Variants in CCDC3 observed in about 807,000 individuals in gnomAD.
CCDC3 encodes coiled-coil domain containing 3.
Under a neutral mutation model 21.4 loss-of-function variants are expected in CCDC3, and 24 were observed. That is an observed-to-expected ratio of 1.12 (90% CI 0.81 to 1.58). CCDC3 has a LOEUF of 1.58. Ranked by LOEUF, CCDC3 falls within the 40% of genes most tolerant of loss-of-function variation. CCDC3 has a pLI of 0.00. For missense variants in CCDC3, 425 were observed against 360.9 expected, an observed-to-expected ratio of 1.18 and a Z score of -1.44; for synonymous variants, 186 against 166.0, an observed-to-expected ratio of 1.12 and a Z score of -0.93.
At chr10:12,977,277 A>G (rs1427560104) in intron 2 of CCDC3, among the ~76,000 whole-genome samples, 4 of 147,796 alleles carry the variant, frequency 2.7e-5, no homozygotes, top group African/African-American at 7.9e-5. Context: ...CTTGTCTCAA[A>G]AAAAAGGAAA....
chr10:12,978,071 T>G lies in CCDC3; in HGVS notation c.549+20267A>C, dbSNP rs895431090. On this transcript the variant is annotated intron_variant, in intron 2 of 2. Transcript: ENST00000378825. ...TTTCACTCTGTCATCCAGGCTGGAG[T>G]GCAGTGACACAATCTTGGCTCACTG... Among the ~76,000 whole-genome samples, 14 of 151,644 alleles carry G rather than the reference T, an allele frequency of 9.2e-5. No individual in the cohort carries two copies. In the South Asian group the frequency reaches 2.1e-3, roughly 23 times the overall value.
At chr10:12,996,163 G>A (rs940759285) in intron 2 of CCDC3, among the ~76,000 whole-genome samples, 1 of 152,160 alleles carries the variant, frequency 6.6e-6, no homozygotes, top group Non-Finnish European at 1.5e-5. Flanking sequence ...ACTCAATATG[G>A]AGTAGGCAAC....
At chr10:13,080,536 A>G (rs149270298) in intron 3 of CCDC3, among the ~76,000 whole-genome samples, 111 of 152,338 alleles carry the variant, frequency 7.3e-4, no homozygotes, top group Middle Eastern at 3.4e-3. Context: ...TAAGAATATC[A>G]ATTTTTACCT....
intron 5 of CCDC3, among the ~76,000 whole-genome samples, chr10:13,031,415 C>T (rs941367051): frequency 6.6e-6 from 1 of 152,044 alleles, no homozygotes; most frequent in Non-Finnish European, 1.5e-5. Flanking sequence ...AATTGACACC[C>T]TAACATCACA....
rs143613140 is a variant in CCDC3, at chr10:12,930,282, G to A, written c.550-31603C>T. ...TTTCTTTTCTATTTGGTTTTGCATTGTGCCCTCAAAAACGTGTCACAAAAG... is the reference window on the plus strand; with the variant it reads ...TTTCTTTTCTATTTGGTTTTGCATTATGCCCTCAAAAACGTGTCACAAAAG... On this transcript the variant is annotated intron_variant, in intron 2 of 2. Transcript: ENST00000378825. Among the ~76,000 whole-genome samples, 597 of 152,216 alleles carry A rather than the reference G, an allele frequency of 3.9e-3. 8 individuals are homozygous for A. The highest frequency in any genetic ancestry group is 0.024 in the South Asian group (118 of 4,822).
chr10:12,941,308 T>C (rs994108006), intron 2 of CCDC3, among the ~76,000 whole-genome samples: 6 of 152,176 alleles, frequency 3.9e-5, no homozygotes, highest in Non-Finnish European at 5.9e-5. Context: ...GTTTAGCATA[T>C]TACAAAGAAG....
At chr10:12,921,530 A>G (rs1004913422) in intron 2 of CCDC3, among the ~76,000 whole-genome samples, 1 of 152,214 alleles carries the variant, frequency 6.6e-6, no homozygotes, top group African/African-American at 2.4e-5. Flanking sequence ...ATCTTTTTCA[A>G]CTTTTTCAAA....
intron 5 of CCDC3, among the ~76,000 whole-genome samples, chr10:13,006,883 C>T (rs497611): frequency 0.8 from 122,063 of 152,118 alleles, 49,989 homozygotes; most frequent in Non-Finnish European, 0.88. Context: ...TTTGCTGTTA[C>T]ATAGATCAGG....
intron 2 of CCDC3, among the ~76,000 whole-genome samples, chr10:12,940,076 A>G (rs980444130): frequency 2.6e-5 from 4 of 152,190 alleles, no homozygotes; most frequent in African/African-American, 9.7e-5. Context: ...GTCTAAAAAC[A>G]TACTGTTTTT....
intron 3 of CCDC3, among the ~76,000 whole-genome samples, chr10:13,081,223 CCCA>C (rs1437904545): frequency 3.3e-5 from 5 of 151,912 alleles, no homozygotes; most frequent in Admixed American, 2.0e-4. Context: ...TGCTGATGTC[CCCA>C]CATTTAAAAC....
At chr10:13,005,855 T>C (rs538999717), upstream of CCDC3, among the ~76,000 whole-genome samples, 8 of 152,352 alleles carry the variant, frequency 5.3e-5, no homozygotes, top group East Asian at 1.5e-3. Context: ...AAAAAGCATT[T>C]TTAAATGTGG....
intron 5 of CCDC3, among the ~76,000 whole-genome samples, chr10:13,030,072 T>C (rs775110697): frequency 4.5e-4 from 68 of 151,844 alleles, no homozygotes; most frequent in Non-Finnish European, 3.1e-4. Flanking sequence ...AAGGAAAAAA[T>C]ATTAAGGGCA....
chr10:12,907,730 C>G (rs758531497), intron 2 of CCDC3, among the ~76,000 whole-genome samples: 2 of 152,164 alleles, frequency 1.3e-5, no homozygotes, highest in African/African-American at 4.8e-5. Context: ...AACTTGGTGC[C>G]TTTTCCTTAC....
intron 5 of CCDC3, among the ~76,000 whole-genome samples, chr10:13,037,050 G>A (rs1294964164): frequency 6.6e-6 from 1 of 152,078 alleles, no homozygotes; most frequent in Non-Finnish European, 1.5e-5. Context: ...CTCCCAAAGT[G>A]CCAGGATTAT....
At chr10:13,052,101 A>C (rs527400876) in intron 4 of CCDC3, among the ~76,000 whole-genome samples, 3 of 152,110 alleles carry the variant, frequency 2.0e-5, no homozygotes, top group African/African-American at 7.2e-5. Context: ...TTGGCTGGGC[A>C]TGGCGGCACA....
intron 5 of CCDC3, among the ~76,000 whole-genome samples, chr10:13,029,668 C>T (rs1032257563): frequency 6.6e-5 from 10 of 152,188 alleles, no homozygotes; most frequent in African/African-American, 2.4e-4. Flanking sequence ...AGCTGAAAAT[C>T]ATGGTACGAG....
chr10:12,911,992 C>A (rs915849097), intron 2 of CCDC3, among the ~76,000 whole-genome samples: 1 of 152,150 alleles, frequency 6.6e-6, no homozygotes, highest in Non-Finnish European at 1.5e-5. Flanking sequence ...TTTAAGGGTG[C>A]ATAGTATTCC....
chr10:13,031,495 C>T (rs1447974270), intron 5 of CCDC3, among the ~76,000 whole-genome samples: 4 of 152,016 alleles, frequency 2.6e-5, no homozygotes, highest in African/African-American at 9.7e-5. Context: ...TAACTAAGAT[C>T]AGAGCAGAAC....
At position 13,047,084 on chromosome 10, in the gene CCDC3, AGAG is replaced by A. The variant is rs564218019; in HGVS notation, c.-2+2587_-2+2589del. 2.2e-3 allele frequency among the ~76,000 whole-genome samples: 336 copies of A among 152,282 alleles called. 1 individual carries two copies. Among genetic ancestry groups the A allele is most frequent in the African/African-American group, 7.8e-3 (325 of 41,556 alleles). On this transcript the variant is annotated intron_variant, in intron 5 of 6. Coordinates refer to the CCDC3 transcript ENST00000378839. ...GCATTTATGAAGCAGCTGTTACGAA[AGAG>A]GAGACAGAACAGAGAGACTCCATTT...
Sources: gnomAD v4.1 joint callset for allele counts (sites outside exome capture counted in the v4.1 genomes callset) on GRCh38, gnomAD v4.1.1 for gene constraint, MANE v1.5 for transcripts, NCBI Gene and HGNC (gene_info 2026-07-23, HGNC 2026-07-21) for gene names.